ROBO1: variants seen among roughly 807,000 people sequenced by gnomAD.
ROBO1 encodes roundabout homolog 1.
Under a neutral mutation model 195.9 loss-of-function variants are expected in ROBO1, and 149 were observed. The ratio of observed to expected loss-of-function variants is 0.76; its 90% confidence interval spans 0.67 to 0.87. The LOEUF is 0.87. Ranked by LOEUF, ROBO1 falls within the 40% of genes least tolerant of loss-of-function variation. ROBO1 has a pLI of 0.00. For synonymous variants in ROBO1, 816 were observed against 733.2 expected (o/e 1.11, Z -1.82); for missense variants, 1,933 against 2,068.3 (o/e 0.93, Z 1.27).
chr3:78,835,505 C>A lies in ROBO1; in HGVS notation c.500-88605G>T, dbSNP rs544236051. Among the ~76,000 whole-genome samples, 20 of 152,224 alleles carry A rather than the reference C, an allele frequency of 1.3e-4. No homozygotes were observed. In the South Asian group the frequency reaches 3.9e-3, roughly 30 times the overall value. On this transcript the variant is annotated intron_variant, in intron 4 of 30. Transcript: ENST00000464233. ...GTAAGACATTGCTATGACACAGTAGCCTATATTCTTCACATTACAATGTTG... is the reference window on the plus strand; with the variant it reads ...GTAAGACATTGCTATGACACAGTAGACTATATTCTTCACATTACAATGTTG...
chr3:78,985,879 C>A (rs893882934), intron 3 of ROBO1, among the ~76,000 whole-genome samples: 3 of 152,016 alleles, frequency 2.0e-5, no homozygotes, highest in African/African-American at 7.2e-5. Context: ...TCTGCCTAGT[C>A]AAATATCAGC....
At chr3:79,033,868 G>C (rs995155732) in intron 3 of ROBO1, among the ~76,000 whole-genome samples, 22 of 152,122 alleles carry the variant, frequency 1.4e-4, no homozygotes, top group African/African-American at 5.1e-4. Flanking sequence ...CTCGAGCCAT[G>C]GTTCTTTGAA....
chr3:78,636,187 G>C (rs187331596), intron 22 of ROBO1, 79 bp from the exon 23 acceptor site: 2 of 1,040,230 alleles, frequency 1.9e-6, no homozygotes, highest in Non-Finnish European at 2.7e-6. Flanking sequence ...GTAGCTTTGC[G>C]AGTCATCAGA....
At chr3:79,114,757 T>C (rs1219352904) in intron 3 of ROBO1, among the ~76,000 whole-genome samples, 1 of 152,146 alleles carries the variant, frequency 6.6e-6, no homozygotes, top group Non-Finnish European at 1.5e-5. Context: ...ATACATTGTG[T>C]ATGTAGTATT....
At chr3:79,495,843 A>G (rs545220009) in intron 2 of ROBO1, among the ~76,000 whole-genome samples, 63 of 152,266 alleles carry the variant, frequency 4.1e-4, no homozygotes, top group Admixed American at 1.0e-3. Context: ...GCTAACATCA[A>G]TACCTCAGTT....
intron 2 of ROBO1, among the ~76,000 whole-genome samples, chr3:79,193,536 C>T (rs568806960): frequency 4.4e-4 from 65 of 149,190 alleles, no homozygotes; most frequent in African/African-American, 1.6e-3. Flanking sequence ...TTCAAGAAAG[C>T]CTAGATATAT....
intron 3 of ROBO1, among the ~76,000 whole-genome samples, chr3:79,119,759 T>A (rs2108557374): frequency 6.7e-6 from 1 of 150,188 alleles, no homozygotes; most frequent in South Asian, 2.1e-4. Context: ...CACAGATGAG[T>A]GATTCATGGA....
At chr3:79,441,747 CAG>C (rs997361808) in intron 2 of ROBO1, among the ~76,000 whole-genome samples, 7 of 152,128 alleles carry the variant, frequency 4.6e-5, no homozygotes, top group Non-Finnish European at 1.0e-4. Flanking sequence ...CTAGAGTCTG[CAG>C]AGTGTTAGTG....
At chr3:78,925,592 GA>G (rs2039167108) in intron 4 of ROBO1, among the ~76,000 whole-genome samples, 1 of 152,108 alleles carries the variant, frequency 6.6e-6, no homozygotes, top group South Asian at 2.1e-4. Context: ...GATGTTGGTT[GA>G]AAAGAATCTT....
intron 2 of ROBO1, among the ~76,000 whole-genome samples, chr3:79,230,528 A>T (rs1300665207): frequency 6.9e-6 from 1 of 145,922 alleles, no homozygotes; most frequent in African/African-American, 2.5e-5. Context: ...AGCAAAGACT[A>T]AAAAAAAAAT....
chr3:79,499,076 C>T lies in ROBO1; in HGVS notation c.88+90748G>A, dbSNP rs530071872. Among the ~76,000 whole-genome samples the T allele has an allele frequency of 3.0e-3, 464 of 152,210 alleles. 1 individual carries two copies. Among genetic ancestry groups the T allele is most frequent in the Non-Finnish European group, 5.3e-3 (363 of 68,016 alleles). Reference sequence around the variant, plus strand: ...ATGGCGAAATCTCAGCTCACTGCAACCTCTGCCTCTCCGGTTCAAGGGATT... The same window carrying T: ...ATGGCGAAATCTCAGCTCACTGCAATCTCTGCCTCTCCGGTTCAAGGGATT... On this transcript the variant is annotated intron_variant, in intron 2 of 30. Coordinates refer to ENST00000464233, the MANE Select transcript of ROBO1 (RefSeq NM_002941.4).
At chr3:79,351,740 G>C (rs371142440) in intron 2 of ROBO1, among the ~76,000 whole-genome samples, 30 of 152,120 alleles carry the variant, frequency 2.0e-4, no homozygotes, top group African/African-American at 6.7e-4. Context: ...AATAGAAGCT[G>C]ACTATCCAGT....
At chr3:78,650,022 A>T (rs1007010712) in intron 19 of ROBO1, among the ~76,000 whole-genome samples, 4 of 152,146 alleles carry the variant, frequency 2.6e-5, no homozygotes, top group Admixed American at 2.0e-4. Context: ...AGAGTTCATG[A>T]TGGAGGTCTT....
chr3:79,708,938 ATT>A (rs893858987), intron 1 of ROBO1, among the ~76,000 whole-genome samples: 4 of 151,384 alleles, frequency 2.6e-5, no homozygotes, highest in East Asian at 1.9e-4. Context: ...GGTTTTTTGT[ATT>A]TTTTTTTCTT....
intron 2 of ROBO1, among the ~76,000 whole-genome samples, chr3:79,531,364 G>A (rs1387069891): frequency 6.6e-6 from 1 of 152,100 alleles, no homozygotes; most frequent in Non-Finnish European, 1.5e-5. Context: ...GCTCAGGCCT[G>A]TAATCCCCAG....
At chr3:78,673,738 T>A (rs1438859187) in intron 10 of ROBO1, among the ~76,000 whole-genome samples, 4 of 150,366 alleles carry the variant, frequency 2.7e-5, no homozygotes, top group East Asian at 2.0e-4. Context: ...AAAATAGCGA[T>A]CATGAAGTCT....
chr3:79,755,840 G>A (rs1261796221), intron 1 of ROBO1, among the ~76,000 whole-genome samples: 1 of 152,136 alleles, frequency 6.6e-6, no homozygotes, highest in East Asian at 1.9e-4. Flanking sequence ...TTTGTCACTG[G>A]AGTAATCCCA....
rs955898358 is a variant in ROBO1 at position 78,962,850 on chromosome 3, C to A, written c.173-23923G>T. Among the ~76,000 whole-genome samples, 655 of 114,228 alleles carry A rather than the reference C, an allele frequency of 5.7e-3. 1 individual carries two copies. Among genetic ancestry groups the A allele is most frequent in the East Asian group, 0.029 (110 of 3,838 alleles). The allele number at this position is 114,228 out of a possible 152,430, so 74.9% of individuals were successfully genotyped here. A position where few individuals can be genotyped will look rare whatever the true frequency, so the allele number is the denominator to read the frequency against. On this transcript the variant is annotated intron_variant, in intron 3 of 30. Coordinates refer to ENST00000464233, the MANE Select transcript of ROBO1 (RefSeq NM_002941.4). Reference sequence around the variant, plus strand: ...AAAAAAAAAAAAAAAAAAAAAAAAACTTTTCACATTTACTGTTCTCCTGAT... The same window carrying A: ...AAAAAAAAAAAAAAAAAAAAAAAAAATTTTCACATTTACTGTTCTCCTGAT...
At chr3:78,871,759 AAAG>A (rs1455551931) in intron 4 of ROBO1, among the ~76,000 whole-genome samples, 3 of 151,520 alleles carry the variant, frequency 2.0e-5, no homozygotes, top group Admixed American at 6.6e-5. Context: ...AAAAAAAAAA[AAAG>A]AATTTGTAAA....
Sources: gnomAD v4.1 joint callset for allele counts (sites outside exome capture counted in the v4.1 genomes callset) on GRCh38, gnomAD v4.1.1 for gene constraint, MANE v1.5 for transcripts, NCBI Gene and HGNC (gene_info 2026-07-23, HGNC 2026-07-21) for gene names.